IQSEC1: variants seen among roughly 807,000 people sequenced by gnomAD.
IQSEC1 encodes the protein IQ motif and Sec7 domain ArfGEF 1.
Under a neutral mutation model 91.0 loss-of-function variants are expected in IQSEC1, and 31 were observed. The ratio of observed to expected loss-of-function variants is 0.34; its 90% CI spans 0.26 to 0.46. IQSEC1 has a LOEUF of 0.46. Ranked by LOEUF, IQSEC1 falls within the 20% of genes least tolerant of loss-of-function variation. The pLI is 1.00. For missense variants in IQSEC1, 1,388 were observed against 1,575.6 expected (o/e 0.88, Z 2.02); for synonymous variants, 699 against 662.6 (o/e 1.05, Z -0.84).
At chr3:12,952,192 C>T (rs1699594926) in intron 1 of IQSEC1, among the ~76,000 whole-genome samples, 1 of 152,148 alleles carries the variant, frequency 6.6e-6, no homozygotes, top group Admixed American at 6.5e-5. Flanking sequence ...TGCAGAGGAA[C>T]CCAAGAAACC....
rs1418557321 is a variant in IQSEC1 at position 12,979,449 on chromosome 3, C to T, written c.24-37584G>A. ...CATAGTGCTACATGAAAAAGGTAAGCTGAAGAATGCTGGATTTGGGTTACA... is the reference window on the plus strand; with the variant it reads ...CATAGTGCTACATGAAAAAGGTAAGTTGAAGAATGCTGGATTTGGGTTACA... On this transcript the variant is annotated intron_variant, in intron 1 of 13. Transcript: ENST00000613206. This position sits in a 1 kb window ranked among gnomAD's most constrained non-coding sequence, Gnocchi z 4.3. Among the ~76,000 whole-genome samples the T allele has an allele frequency of 6.6e-6, 1 of 152,168 alleles. No individual in the cohort carries two copies. Among genetic ancestry groups the T allele is most frequent in the African/African-American group, 2.4e-5 (1 of 41,434 alleles).
At chr3:13,237,143 G>A (rs143177453) in intron 1 of IQSEC1, among the ~76,000 whole-genome samples, 2 of 152,340 alleles carry the variant, frequency 1.3e-5, no homozygotes, top group Non-Finnish European at 2.9e-5. Context: ...CTTCCATAGA[G>A]GTTTCTTTCA....
chr3:13,022,243 C>T (rs1703434346), intron 1 of IQSEC1: 2 of 1,226,150 alleles, frequency 1.6e-6, no homozygotes, highest in African/African-American at 1.6e-5. Flanking sequence ...GAAAGAAAAG[C>T]CCCCAAAGTT....
rs770769839 is a variant in IQSEC1 at position 12,901,285 on chromosome 3, G to A, written c.3043C>T (p.Pro1015Ser). The change falls in exon 14 of 14, where the codon CCC becomes TCC. Residue 1015 changes from proline (P) to serine (S), a missense_variant. Around this residue, in one of 2 missense-constraint regions of IQSEC1, gnomAD observed 329 missense variants for 257.8 expected, o/e 1.28. Coordinates refer to ENST00000613206, the MANE Select transcript of IQSEC1 (RefSeq NM_001134382.3). Reference sequence around the variant, plus strand: ...GCGGCCTGCGGCAGCCCCTCTGGGGGCCCCAGGTGGTGGCCAGCCACAGAG... The same window carrying A: ...GCGGCCTGCGGCAGCCCCTCTGGGGACCCCAGGTGGTGGCCAGCCACAGAG... ...QHSVAGHHLGPPEGLPQAAMH... is the reference protein window; with the variant it reads ...QHSVAGHHLGSPEGLPQAAMH... The A allele has an allele frequency of 1.9e-5, 30 of 1,546,628 alleles. No individual in the cohort carries two copies. The highest frequency in any genetic ancestry group is 7.1e-5 in the South Asian group (6 of 83,978).
At chr3:13,195,712 G>A (rs549443478) in intron 1 of IQSEC1, among the ~76,000 whole-genome samples, 2 of 152,334 alleles carry the variant, frequency 1.3e-5, no homozygotes, top group Non-Finnish European at 2.9e-5. Context: ...GGATGTGGCT[G>A]TCAAAGGGCA....
chr3:13,215,108 G>A (rs1329568374), intron 1 of IQSEC1, among the ~76,000 whole-genome samples: 2 of 152,110 alleles, frequency 1.3e-5, no homozygotes, highest in African/African-American at 4.8e-5. Context: ...GGGAAGAGAA[G>A]GTGACTCTTT....
At chr3:13,111,394 T>C (rs1335854027) in intron 2 of IQSEC1, among the ~76,000 whole-genome samples, 2 of 152,176 alleles carry the variant, frequency 1.3e-5, no homozygotes, top group African/African-American at 2.4e-5. Context: ...TGACCCCACC[T>C]TCCTGATGGG....
Position 12,899,949 on chromosome 3 carries a change from A to G in IQSEC1, c.*1034T>C. 1.0e-6 allele frequency: 1 copy of G among 985,314 alleles called. No homozygotes were observed. Among genetic ancestry groups the G allele is most frequent in the Non-Finnish European group, 1.2e-6 (1 of 829,902 alleles). The allele number at this position is 985,314 out of a possible 1,614,324, so 61.0% of individuals were successfully genotyped here. ...GAGGACTCTGAATGAGTGTGCGTCA[A>G]ATCATATGCGCATAAAAGAAACATG... On this transcript the variant is annotated 3_prime_UTR_variant, in exon 14 of 14. Transcript: ENST00000613206.
intron 2 of IQSEC1, among the ~76,000 whole-genome samples, chr3:13,091,029 C>G (rs1004014070): frequency 2.6e-5 from 4 of 152,184 alleles, no homozygotes; most frequent in Admixed American, 2.0e-4. Flanking sequence ...CTCCTCCTCA[C>G]CGCCCACACT....
At position 12,939,521 on chromosome 3, in the gene IQSEC1, C is replaced by T. The variant is rs376378976; in HGVS notation, c.318+2050G>A. ...CCAGACTTAAAACTCCTCGTGGAAT[C>T]GGGCACCCTACTTTTTCATCTGGTG... On this transcript the variant is annotated intron_variant, in intron 2 of 13. Coordinates refer to ENST00000613206, the MANE Select transcript of IQSEC1 (RefSeq NM_001134382.3). Among the ~76,000 whole-genome samples, 15 of 152,332 alleles carry T rather than the reference C, an allele frequency of 9.8e-5. 1 individual carries two copies. Among genetic ancestry groups the T allele is most frequent in the Admixed American group, 7.2e-4 (11 of 15,302 alleles).
At chr3:13,045,447 C>T (rs1186410677) in intron 1 of IQSEC1, among the ~76,000 whole-genome samples, 1 of 152,182 alleles carries the variant, frequency 6.6e-6, no homozygotes, top group African/African-American at 2.4e-5. Context: ...GGCGGGGAAA[C>T]AGCAGAGCTG....
chr3:12,980,210 G>C (rs1576102310), intron 1 of IQSEC1, among the ~76,000 whole-genome samples: 1 of 152,228 alleles, frequency 6.6e-6, no homozygotes, highest in Non-Finnish European at 1.5e-5. Context: ...GAGGCACAGA[G>C]GGGTTAAATG....
At chr3:13,012,278 T>C (rs1279407546) in intron 1 of IQSEC1, among the ~76,000 whole-genome samples, 3 of 152,188 alleles carry the variant, frequency 2.0e-5, no homozygotes, top group Non-Finnish European at 4.4e-5. Context: ...AACCCGACCC[T>C]AGGCCCCTGC....
chr3:13,115,651 A>G (rs976657582), intron 2 of IQSEC1, among the ~76,000 whole-genome samples: 4 of 152,222 alleles, frequency 2.6e-5, no homozygotes, highest in Non-Finnish European at 5.9e-5. Context: ...AGGCTGTCAG[A>G]ACGTTCTGGC....
intron 1 of IQSEC1, among the ~76,000 whole-genome samples, chr3:12,980,541 A>G (rs1219790607): frequency 6.6e-6 from 1 of 152,242 alleles, no homozygotes. Context: ...TGTTAGGAAC[A>G]TGATTTGTAA....
intron 1 of IQSEC1, among the ~76,000 whole-genome samples, chr3:13,040,204 C>T (rs1171389624): frequency 2.0e-5 from 3 of 152,214 alleles, no homozygotes; most frequent in Non-Finnish European, 4.4e-5. Context: ...ACCCACAGTG[C>T]CCTTCCCTGT....
intron 2 of IQSEC1, among the ~76,000 whole-genome samples, chr3:13,085,816 T>C (rs12491884): frequency 1.3e-5 from 2 of 152,200 alleles, no homozygotes; most frequent in Non-Finnish European, 2.9e-5. Flanking sequence ...TATCGGCCAA[T>C]GCGAGGCTCT....
At chr3:13,176,766 G>A (rs544248240) in intron 1 of IQSEC1, among the ~76,000 whole-genome samples, 1 of 152,348 alleles carries the variant, frequency 6.6e-6, no homozygotes, top group Admixed American at 6.5e-5. Flanking sequence ...ATTTAGGCCA[G>A]CTTTTAAATG....
chr3:13,203,193 A>ACACACACACACACT (rs1491475489), intron 1 of IQSEC1, among the ~76,000 whole-genome samples: 2 of 141,730 alleles, frequency 1.4e-5, no homozygotes, highest in African/African-American at 5.4e-5. Flanking sequence ...ACACACACAC[A>ACACACACACACACT]CTCTTATGCT....
Sources: gnomAD v4.1 joint callset for allele counts (sites outside exome capture counted in the v4.1 genomes callset) on GRCh38, gnomAD v4.1.1 for gene constraint, gnomAD v4.1.1 regional missense constraint, Gnocchi (gnomAD v3.1) non-coding constraint, MANE v1.5 for transcripts, NCBI Gene and HGNC (gene_info 2026-07-23, HGNC 2026-07-21) for gene names.